Variants in TGIF1 observed in about 807,000 individuals in gnomAD.
The protein encoded by TGIF1 is TGFB induced factor homeobox 1.
In TGIF1, 4 loss-of-function variants were observed where a neutral mutation model predicts 19.3. That is an observed-to-expected ratio of 0.21 (90% CI 0.10 to 0.47). The LOEUF (loss-of-function observed/expected upper bound fraction) is 0.47, where lower values mean the gene tolerates loss of function less well. Ranked by LOEUF, TGIF1 falls within the 20% of genes least tolerant of loss-of-function variation. TGIF1 has a pLI of 0.98. For missense variants in TGIF1, 275 were observed against 341.4 expected (o/e 0.81, Z 1.53); for synonymous variants, 122 against 129.3 (o/e 0.94, Z 0.38).
chr18:3,414,503 G>C (rs562593347), intron 1 of TGIF1, among the ~76,000 whole-genome samples: 2 of 152,240 alleles, frequency 1.3e-5, no homozygotes, highest in East Asian at 3.9e-4. Flanking sequence ...GCCCCAGTTG[G>C]GTTGGTGATC....
upstream of TGIF1, among the ~76,000 whole-genome samples, chr18:3,445,723 C>CAAAAAAAAAA (rs141550400): frequency 1.0e-3 from 18 of 17,676 alleles, no homozygotes; most frequent in Non-Finnish European, 1.4e-3. Flanking sequence ...GACTCTGTCT[C>CAAAAAAAAAA]AAAAAAAAAA....
At chr18:3,447,470 C>T (rs1268174369), upstream of TGIF1, 7 of 564,726 alleles carry the variant, frequency 1.2e-5, no homozygotes, top group Non-Finnish European at 1.9e-5. Flanking sequence ...AAAAACGAAT[C>T]AACAAAAAAT....
At chr18:3,452,226 C>T (rs747784486) in intron 1 of TGIF1, 70 of 1,518,620 alleles carry the variant, frequency 4.6e-5, no homozygotes, top group Non-Finnish European at 5.4e-5. Flanking sequence ...CGCCCCCCCT[C>T]CTCCACCGGC....
chr18:3,456,531 A>C lies in TGIF1; in HGVS notation c.194A>C (p.Glu65Ala). 6.2e-7 allele frequency: 1 copy of C among 1,614,262 alleles called. No homozygotes were observed. Among genetic ancestry groups the C allele is most frequent in the South Asian group, 1.1e-5 (1 of 91,088 alleles). ...CACCGTTACAATGCCTATCCTTCAG[A>C]GCAAGAAAAAGCGTTGCTGTCCCAG... The part of the protein sequence containing the change: ...YEHRYNAYPS[E>A]QEKALLSQQT... The change falls in exon 2 of 3, where the codon GAG (glutamate) becomes GCG (alanine). Residue 65 changes from glutamate (E) to alanine (A), a missense_variant. Glu to Ala is a moderately radical substitution (Grantham distance 107). Coordinates refer to ENST00000343820, the MANE Select transcript of TGIF1 (RefSeq NM_003244.4). This position sits in a 1 kb window ranked among gnomAD's most constrained non-coding sequence, Gnocchi z 4.2.
Position 3,450,261 on chromosome 18 carries a change from G to C in TGIF1, c.-229G>C. On this transcript the variant is annotated 5_prime_UTR_variant, in exon 1 of 3. Coordinates refer to ENST00000343820, the MANE Select transcript of TGIF1 (RefSeq NM_003244.4). ...GAGAGTTGGGCGAGGGAGAGCCCCC[G>C]GCCGGCTGCCAGAAGATCCCGGCGG... 2 of 1,431,254 alleles carry C rather than the reference G, an allele frequency of 1.4e-6. No individual in the cohort carries two copies. The highest frequency in any genetic ancestry group is 1.8e-6 in the Non-Finnish European group (2 of 1,096,530). The allele number at this position is 1,431,254 out of a possible 1,614,324, so 88.7% of individuals were successfully genotyped here.
chr18:3,423,452 G>A (rs2082431827), intron 2 of TGIF1, among the ~76,000 whole-genome samples: 1 of 152,030 alleles, frequency 6.6e-6, no homozygotes, highest in South Asian at 2.1e-4. Context: ...GGCCAGGGCG[G>A]GCAGATCACG....
At position 3,450,542 on chromosome 18, in the gene TGIF1, G is replaced by A. The variant is rs764608277; in HGVS notation, c.16+37G>A. ...GCGGGCTGCGCGCACCAGAAGACGC[G>A]AGTCCGGGGAAACGTGCTGGCCGGG... On this transcript the variant is annotated intron_variant, in intron 1 of 2. Coordinates refer to ENST00000343820, the MANE Select transcript of TGIF1 (RefSeq NM_003244.4). 1.9e-6 allele frequency: 3 copies of A among 1,555,580 alleles called. 1 individual carries two copies. The South Asian group carries it at 3.6e-5, about 18-fold the overall frequency.
intron 2 of TGIF1, among the ~76,000 whole-genome samples, chr18:3,427,835 G>C (rs1319201941): frequency 6.6e-6 from 1 of 151,634 alleles, no homozygotes; most frequent in African/African-American, 2.4e-5. Flanking sequence ...CTTGACTGCA[G>C]GTGATCCGCC....
At chr18:3,426,006 C>T (rs192869223) in intron 2 of TGIF1, among the ~76,000 whole-genome samples, 158 of 152,056 alleles carry the variant, frequency 1.0e-3, no homozygotes, top group African/African-American at 3.6e-3. Context: ...CAGCATCCTA[C>T]GTTGTGAGAG....
chr18:3,450,969 C>G (rs2082903650), intron 1 of TGIF1, among the ~76,000 whole-genome samples: 1 of 149,254 alleles, frequency 6.7e-6, no homozygotes, highest in South Asian at 2.2e-4. Flanking sequence ...TAGGCTCCCC[C>G]CGCCCCCGCC....
rs962887747 is a variant in TGIF1 at position 3,457,165 on chromosome 18, C to T, written c.244-200C>T. On this transcript the variant is annotated intron_variant, in intron 2 of 2. Coordinates refer to ENST00000343820, the MANE Select transcript of TGIF1 (RefSeq NM_003244.4). The surrounding 1 kb of genome is among the most constrained non-coding windows in gnomAD (Gnocchi z 4.9). ...CAAAAAAGGAAATTTGTATTAGAAA[C>T]TAGAAGGCTTATGACAGGTGGTAGC... 17 of 652,818 alleles carry T rather than the reference C, an allele frequency of 2.6e-5. No homozygotes were observed. Among genetic ancestry groups the T allele is most frequent in the Admixed American group, 8.6e-5 (3 of 35,086 alleles). 40.4% of individuals were successfully genotyped at this position (652,818 alleles called of 1,614,324 possible). A position where few individuals can be genotyped will look rare whatever the true frequency, so the allele number is the denominator to read the frequency against.
intron 2 of TGIF1, among the ~76,000 whole-genome samples, chr18:3,419,103 C>A (rs189860103): frequency 3.7e-4 from 57 of 152,172 alleles, no homozygotes; most frequent in Non-Finnish European, 6.6e-4. Flanking sequence ...AGTTATAATA[C>A]TGTGATTCTG....
chr18:3,455,246 T>C (rs1053947410), intron 1 of TGIF1: 1 of 152,194 alleles, frequency 6.6e-6, no homozygotes, highest in Non-Finnish European at 1.5e-5. Context: ...TAGCCTGCTG[T>C]AGTTTTTGAA....
chr18:3,450,261 G>A lies in TGIF1; in HGVS notation c.-229G>A. On this transcript the variant is annotated 5_prime_UTR_variant, in exon 1 of 3. Coordinates refer to ENST00000343820, the MANE Select transcript of TGIF1 (RefSeq NM_003244.4). ...GAGAGTTGGGCGAGGGAGAGCCCCCGGCCGGCTGCCAGAAGATCCCGGCGG... is the reference window on the plus strand; with the variant it reads ...GAGAGTTGGGCGAGGGAGAGCCCCCAGCCGGCTGCCAGAAGATCCCGGCGG... The A allele has an allele frequency of 7.0e-7, 1 of 1,431,254 alleles. No individual in the cohort carries two copies. The highest frequency in any genetic ancestry group is 9.1e-7 in the Non-Finnish European group (1 of 1,096,530). The allele number at this position is 1,431,254 out of a possible 1,614,324, so 88.7% of individuals were successfully genotyped here.
upstream of TGIF1, chr18:3,449,740 C>T: frequency 1.0e-6 from 1 of 985,532 alleles, no homozygotes; most frequent in Non-Finnish European, 1.2e-6. Flanking sequence ...AGAGCAGGGC[C>T]AGTAGAGTTC....
chr18:3,446,061 A>G (rs144056924), upstream of TGIF1, among the ~76,000 whole-genome samples: 129 of 152,326 alleles, frequency 8.5e-4, 2 homozygotes, highest in East Asian at 0.02. Flanking sequence ...AAAATAACTA[A>G]CATCACTAGT....
In TGIF1 at chr18:3,433,854, T is replaced by C. The variant is rs146961385; in HGVS notation, c.-45+15639T>C. Among the ~76,000 whole-genome samples the C allele has an allele frequency of 1.5e-3, 225 of 152,316 alleles. 1 individual carries two copies. The highest frequency in any genetic ancestry group is 4.9e-3 in the African/African-American group (202 of 41,566). ...ATATACTTAATGCCACTGAACTGTATATTTAAAATTGGTCAAAATGGTATA... is the reference window on the plus strand; with the variant it reads ...ATATACTTAATGCCACTGAACTGTACATTTAAAATTGGTCAAAATGGTATA... On this transcript the variant is annotated intron_variant, in intron 2 of 3. Transcript: ENST00000401449.
At chr18:3,447,903 C>A (rs2082773009), upstream of TGIF1, 3 of 1,519,208 alleles carry the variant, frequency 2.0e-6, no homozygotes, top group Admixed American at 1.7e-5. Flanking sequence ...AGCTATAAAC[C>A]CTTTCCAATT....
At chr18:3,432,893 G>A (rs990984950) in intron 2 of TGIF1, among the ~76,000 whole-genome samples, 35 of 151,668 alleles carry the variant, frequency 2.3e-4, no homozygotes, top group African/African-American at 6.3e-4. Flanking sequence ...CCGAGTAGCT[G>A]GGATTACAGG....
Sources: allele counts gnomAD v4.1 joint callset (sites outside exome capture counted in the v4.1 genomes callset), GRCh38; gene constraint gnomAD v4.1.1; non-coding constraint Gnocchi (gnomAD v3.1); transcripts MANE v1.5; gene names NCBI Gene and HGNC (gene_info 2026-07-23, HGNC 2026-07-21).